MME: variants seen among roughly 807,000 people sequenced by gnomAD.
MME encodes the protein neprilysin.
MME carries 98 observed loss-of-function variants against 113.2 expected under a neutral mutation model. The ratio of observed to expected loss-of-function variants is 0.87; its 90% CI spans 0.74 to 1.02. MME has a LOEUF of 1.02. Ranked by LOEUF, MME falls within the 50% of genes least tolerant of loss-of-function variation. The probability of loss-of-function intolerance (pLI) is 0.00; values close to 1 mark genes in which losing one functional copy is unlikely to be tolerated. For missense variants in MME, 836 were observed against 896.0 expected (o/e 0.93, Z 0.86); for synonymous variants, 292 against 300.6 (o/e 0.97, Z 0.30).
chr3:155,056,748 G>A (rs1293518207), intron 1 of MME, among the ~76,000 whole-genome samples: 1 of 152,034 alleles, frequency 6.6e-6, no homozygotes, highest in Non-Finnish European at 1.5e-5. Context: ...CTGAGGAATC[G>A]CCACACTGTC....
intron 1 of MME, among the ~76,000 whole-genome samples, chr3:155,054,679 T>C (rs1713868547): frequency 6.6e-6 from 1 of 152,138 alleles, no homozygotes; most frequent in Non-Finnish European, 1.5e-5. Flanking sequence ...TAGTTGGGCA[T>C]AGTGGCTCAC....
intron 9 of MME, among the ~76,000 whole-genome samples, chr3:155,139,623 T>G (rs961612702): frequency 2.6e-5 from 4 of 152,230 alleles, no homozygotes; most frequent in African/African-American, 9.6e-5. Context: ...GCTGCTGGTC[T>G]GGCAGGATAG....
At chr3:155,098,425 G>T (rs1269640925) in intron 3 of MME, among the ~76,000 whole-genome samples, 1 of 151,920 alleles carries the variant, frequency 6.6e-6, no homozygotes. Context: ...GCGTGGTGGT[G>T]CCCGCCTGTA....
chr3:155,055,922 A>C (rs1030712558), intron 1 of MME, among the ~76,000 whole-genome samples: 2 of 152,202 alleles, frequency 1.3e-5, no homozygotes, highest in African/African-American at 4.8e-5. Flanking sequence ...AGTGCCTTTA[A>C]TTTACTCCTT....
intron 1 of MME, among the ~76,000 whole-genome samples, chr3:155,052,419 G>T (rs1038096219): frequency 6.6e-6 from 1 of 152,206 alleles, no homozygotes; most frequent in African/African-American, 2.4e-5. Context: ...TGGCATTTCT[G>T]TCCATCCTCT....
intron 3 of MME, among the ~76,000 whole-genome samples, chr3:155,102,199 A>G (rs1055734586): frequency 6.6e-6 from 1 of 152,224 alleles, no homozygotes; most frequent in African/African-American, 2.4e-5. Context: ...TACAGTGCAT[A>G]TGCAGGTTTT....
intron 1 of MME, among the ~76,000 whole-genome samples, chr3:155,056,757 T>A (rs562699480): frequency 1.3e-5 from 2 of 152,208 alleles, no homozygotes; most frequent in South Asian, 2.1e-4. Flanking sequence ...CGCCACACTG[T>A]CTTCCACAAT....
At chr3:155,093,531 G>T (rs1013859227) in intron 3 of MME, among the ~76,000 whole-genome samples, 1 of 152,102 alleles carries the variant, frequency 6.6e-6, no homozygotes, top group Non-Finnish European at 1.5e-5. Context: ...CAGGTGCTGC[G>T]AGATGTTTTC....
Position 155,103,356 on chromosome 3 carries a change from C to T in MME, c.197-11638C>T, listed in dbSNP as rs535994371. ...CACAAATATAGCTGCCTCAAGGAAA[C>T]GTTTTCAGTCTAGCTAGGTCCTGCT... On this transcript the variant is annotated intron_variant, in intron 3 of 22. Transcript: ENST00000360490. 2.9e-4 allele frequency among the ~76,000 whole-genome samples: 44 copies of T among 150,620 alleles called. 1 individual carries two copies. The highest frequency in any genetic ancestry group is 1.5e-3 in the South Asian group (7 of 4,770).
chr3:155,049,298 A>G (rs1713672877), intron 1 of MME, among the ~76,000 whole-genome samples: 1 of 152,116 alleles, frequency 6.6e-6, no homozygotes, highest in South Asian at 2.1e-4. Flanking sequence ...GTACCCTTAT[A>G]AGAAACGGAA....
At chr3:155,180,238 A>T in intron 22 of MME, 122 bp from the exon 23 acceptor site, 1 of 787,104 alleles carries the variant, frequency 1.3e-6, no homozygotes, top group Non-Finnish European at 2.3e-6. Flanking sequence ...AGGTTATTTT[A>T]AGTTTAACTT....
At chr3:155,059,855 A>C (rs1175406347) in intron 1 of MME, among the ~76,000 whole-genome samples, 1 of 152,226 alleles carries the variant, frequency 6.6e-6, no homozygotes, top group Non-Finnish European at 1.5e-5. Flanking sequence ...CATATGTGTA[A>C]CAGAAATTAT....
At chr3:155,163,166 C>T (rs1011309311) in intron 17 of MME, among the ~76,000 whole-genome samples, 8 of 151,816 alleles carry the variant, frequency 5.3e-5, no homozygotes, top group African/African-American at 9.7e-5. Flanking sequence ...TAATATGTGC[C>T]ACGTAAGTGA....
chr3:155,160,617 T>C (rs547778925), intron 17 of MME, among the ~76,000 whole-genome samples, 169 bp downstream of exon 17: 1 of 152,240 alleles, frequency 6.6e-6, no homozygotes, highest in Admixed American at 6.5e-5. Context: ...TCTTTCACTA[T>C]AGTGGGAAAA....
At chr3:155,161,498 T>C (rs893929071) in intron 17 of MME, among the ~76,000 whole-genome samples, 1 of 152,106 alleles carries the variant, frequency 6.6e-6, no homozygotes, top group Non-Finnish European at 1.5e-5. Flanking sequence ...ATATTTATCA[T>C]TGGCTAAAAA....
At chr3:155,081,402 T>C (rs1715131302) in intron 1 of MME, 1 of 152,246 alleles carries the variant, frequency 6.6e-6, no homozygotes. Context: ...ACACTTAAAA[T>C]AGTAATTTAT....
chr3:155,053,242 C>T (rs1479409394), intron 1 of MME, among the ~76,000 whole-genome samples: 1 of 152,190 alleles, frequency 6.6e-6, no homozygotes, highest in Non-Finnish European at 1.5e-5. Context: ...ATCTTCACAG[C>T]AGCACCCATT....
intron 10 of MME, 77 bp downstream of exon 10, chr3:155,140,369 C>A: frequency 3.9e-6 from 3 of 778,042 alleles, no homozygotes; most frequent in Non-Finnish European, 4.2e-6. Flanking sequence ...TTCTAAAATT[C>A]GTCAAGTTTT....
Position 155,172,174 on chromosome 3 carries a change from C to A in MME, c.2038C>A (p.Leu680Ile). The A allele has an allele frequency of 1.2e-6, 2 of 1,611,760 alleles. No individual in the cohort carries two copies. Among genetic ancestry groups the A allele is most frequent in the Non-Finnish European group, 1.7e-6 (2 of 1,178,214 alleles). Reference protein sequence around the residue: ...GEEKLLPGLDLNHKQLFFLNF... With the variant: ...GEEKLLPGLDINHKQLFFLNF... ...AGAAAAATTACTTCCTGGACTTGACCTAAATCACAAACAACTATTTTTCTT... is the reference window on the plus strand; with the variant it reads ...AGAAAAATTACTTCCTGGACTTGACATAAATCACAAACAACTATTTTTCTT... The change falls in exon 21 of 23, where the codon CTA becomes ATA. Residue 680 changes from leucine (L) to isoleucine (I), a missense_variant. Leu to Ile is a conservative substitution (Grantham distance 5, BLOSUM62 2). Coordinates refer to ENST00000360490, the MANE Select transcript of MME (RefSeq NM_007289.4).
Sources: allele counts gnomAD v4.1 joint callset (sites outside exome capture counted in the v4.1 genomes callset), GRCh38; gene constraint gnomAD v4.1.1; transcripts MANE v1.5; gene names NCBI Gene and HGNC (gene_info 2026-07-23, HGNC 2026-07-21).